RTTN: variants seen among roughly 807,000 people sequenced by gnomAD.
The protein encoded by RTTN is rotatin.
A neutral mutation model predicts 269.2 loss-of-function variants in RTTN; 182 were observed. The observed-to-expected ratio is 0.68, with a 90% confidence interval of 0.60 to 0.76. The LOEUF is 0.76. Among genes scored for constraint, RTTN ranks in the 30% least tolerant of loss-of-function variants. The pLI, the probability that RTTN is intolerant of heterozygous loss-of-function variation, is 0.00. For synonymous variants in RTTN, 1,006 were observed against 963.5 expected (o/e 1.04, Z -0.82); for missense variants, 2,545 against 2,608.6 (o/e 0.98, Z 0.53).
At chr18:70,039,877 T>C (rs928839691) in intron 40 of RTTN, among the ~76,000 whole-genome samples, 2 of 152,180 alleles carry the variant, frequency 1.3e-5, no homozygotes, top group Non-Finnish European at 2.9e-5. Context: ...TGCTTGTTCA[T>C]GCCATCAGTA....
At chr18:70,181,592 T>C (rs1486521988) in intron 10 of RTTN, among the ~76,000 whole-genome samples, 1 of 152,224 alleles carries the variant, frequency 6.6e-6, no homozygotes, top group Admixed American at 6.5e-5. Context: ...GTTACTGATA[T>C]TAGTACTGTG....
chr18:70,142,055 G>A (rs1443871983), intron 19 of RTTN, among the ~76,000 whole-genome samples: 1 of 152,174 alleles, frequency 6.6e-6, no homozygotes, highest in African/African-American at 2.4e-5. Flanking sequence ...TAGTAAGCAT[G>A]TTGTTAGGCT....
rs371980696 is a variant in RTTN, at chr18:70,205,289, G to C, written c.58C>G (p.Arg20Gly). ...LGHQLAEIRE[R>G]ALKSILCKIE... ...TTGCAGAGAATACTCTTGAGAGCGC[G>C]CTCCCTGATCTCGGCCAGCTGATGA... The change falls in exon 2 of 49, where the codon CGC becomes GGC. Residue 20 changes from arginine (R) to glycine (G), a missense_variant. Transcript: ENST00000640769. 31 of 1,614,078 alleles carry C rather than the reference G, an allele frequency of 1.9e-5. No individual in the cohort carries two copies. In the Admixed American group the frequency reaches 3.2e-4, roughly 16 times the overall value.
Position 70,030,921 on chromosome 18 carries a change from A to C in RTTN, c.5602T>G (p.Ser1868Ala), listed in dbSNP as rs369901501. ...LKRVAANALM[S>A]LLAVSRRAQK... is the part of the protein sequence containing the mutation. ...GCTCTTCTACTGACAGCCAGCAGTG[A>C]CATCAATGCATTTGCAGCTACTCTT... Residue 1868 changes from serine (S) to alanine (A), a missense_variant, in exon 41 of 49, where the codon TCA becomes GCA. Physicochemically the swap from Ser to Ala is moderately conservative, Grantham distance 99. Coordinates refer to ENST00000640769, the MANE Select transcript of RTTN (RefSeq NM_173630.4). 2.5e-6 allele frequency: 4 copies of C among 1,613,794 alleles called. No individual in the cohort carries two copies. The highest frequency in any genetic ancestry group is 3.4e-6 in the Non-Finnish European group (4 of 1,179,900).
At chr18:70,077,147 T>A (rs1339276739) in intron 32 of RTTN, among the ~76,000 whole-genome samples, 1 of 151,890 alleles carries the variant, frequency 6.6e-6, no homozygotes, top group African/African-American at 2.4e-5. Context: ...AAGTGATTAA[T>A]CAAAGTTGTA....
At chr18:70,083,137 A>C (rs1332917045) in intron 32 of RTTN, among the ~76,000 whole-genome samples, 1 of 152,156 alleles carries the variant, frequency 6.6e-6, no homozygotes, top group Non-Finnish European at 1.5e-5. Flanking sequence ...TCTCATATCC[A>C]GCAGGGGCCT....
At chr18:70,204,389 G>C in intron 2 of RTTN, 126 bp from the exon 3 acceptor site, 1 of 856,686 alleles carries the variant, frequency 1.2e-6, no homozygotes, top group African/African-American at 1.7e-5. Context: ...ATCCTTCATG[G>C]CTCTGCCCCG....
chr18:70,024,404 C>T (rs1173583566), intron 44 of RTTN, among the ~76,000 whole-genome samples: 1 of 152,174 alleles, frequency 6.6e-6, no homozygotes, highest in African/African-American at 2.4e-5. Context: ...CTAACCTTCA[C>T]GTGGCTTTTG....
rs774567582 is a variant in RTTN, at chr18:70,127,741, T to C, written c.3144A>G (p.Glu1048=). ...TAGATAACTTCAATGCATCTAAAAT[T>C]CTAGACAAAAAGAAAAAAAATGAAG... ...KQMNSETKTQ[E]ILDALKLSTE... is the part of the protein sequence containing the mutation. Residue 1048 remains glutamate, a splice_region_variant and synonymous_variant, in exon 25 of 49, where the codon GAA becomes GAG. Transcript: ENST00000640769. 3 of 1,604,908 alleles carry C rather than the reference T, an allele frequency of 1.9e-6. No homozygotes were observed. In the South Asian group the frequency reaches 3.3e-5, roughly 18 times the overall value.
intron 46 of RTTN, among the ~76,000 whole-genome samples, chr18:70,012,137 TAGAC>T (rs1197633237): frequency 1.3e-5 from 2 of 148,584 alleles, no homozygotes; most frequent in Non-Finnish European, 3.0e-5. Flanking sequence ...TCACTGGTGT[TAGAC>T]AGAGGGCAGC....
At chr18:70,037,760 T>A (rs146073633) in intron 40 of RTTN, among the ~76,000 whole-genome samples, 70 of 152,302 alleles carry the variant, frequency 4.6e-4, no homozygotes, top group African/African-American at 1.7e-3. Flanking sequence ...TTGTCTTGCA[T>A]CTTAGGTATC....
intron 33 of RTTN, among the ~76,000 whole-genome samples, 155 bp from the exon 34 acceptor site, chr18:70,074,149 A>G (rs559346791): frequency 6.6e-6 from 1 of 152,196 alleles, no homozygotes. Flanking sequence ...TTTAAAAAAA[A>G]AAAAATCTAA....
intron 32 of RTTN, 27 bp from the exon 33 acceptor site, chr18:70,075,568 G>GA (rs1214796778): frequency 6.7e-7 from 1 of 1,491,758 alleles, no homozygotes; most frequent in African/African-American, 1.5e-5. Context: ...AAAGAAGGAG[G>GA]AGACACTGAT....
chr18:70,178,185 C>T (rs2061346712), intron 10 of RTTN, among the ~76,000 whole-genome samples: 1 of 152,168 alleles, frequency 6.6e-6, no homozygotes, highest in Admixed American at 6.5e-5. Flanking sequence ...GCCAAGATCA[C>T]ACCACTGCTC....
In RTTN at chr18:70,142,370, C is replaced by T. The variant is rs761519328; in HGVS notation, c.2499G>A (p.Lys833=). 5.7e-6 allele frequency: 9 copies of T among 1,580,154 alleles called. No homozygotes were observed. The highest frequency in any genetic ancestry group is 7.8e-6 in the Non-Finnish European group (9 of 1,156,772). The change falls in exon 19 of 49, where the codon AAG becomes AAA. Residue 833 remains lysine (K), a synonymous_variant. Transcript: ENST00000640769. ...CATCTGAGGTGAAGATTTCATATAC[C>T]TTTTCAACAGTCTCCAACTACAAAC... ...ELVIKLETVE[K]VYEIFTSDDV...
chr18:70,020,971 G>T, intron 44 of RTTN, 154 bp from the exon 45 acceptor site: 1 of 608,534 alleles, frequency 1.6e-6, no homozygotes, highest in Non-Finnish European at 2.9e-6. Context: ...GGTGTCTACA[G>T]TCAACCTAAT....
At chr18:70,153,268 G>A (rs1599799387) in intron 14 of RTTN, among the ~76,000 whole-genome samples, 1 of 151,618 alleles carries the variant, frequency 6.6e-6, no homozygotes, top group African/African-American at 2.4e-5. Context: ...TATACATATA[G>A]TGTTATAAAG....
intron 10 of RTTN, 89 bp downstream of exon 10, chr18:70,188,019 A>T: frequency 1.4e-6 from 1 of 723,254 alleles, no homozygotes; most frequent in Middle Eastern, 3.9e-4. Flanking sequence ...AAGATTTTGA[A>T]CACGAATGAG....
rs10711584 is a variant in RTTN, at chr18:70,174,147, TAA to T, written c.1476+2526_1476+2527del. On this transcript the variant is annotated intron_variant, in intron 11 of 48. Transcript: ENST00000640769. ...ACTTTTCTGAATGTATATGAAAGTTTAAAAAAAAAAAAAAAAGCCTTTACAGA... is the reference window on the plus strand; with the variant it reads ...ACTTTTCTGAATGTATATGAAAGTTTAAAAAAAAAAAAAAGCCTTTACAGA... Among the ~76,000 whole-genome samples, 923 of 142,196 alleles carry T rather than the reference TAA, an allele frequency of 6.5e-3. 1 individual carries two copies. The highest frequency in any genetic ancestry group is 0.018 in the South Asian group (82 of 4,482). The allele number at this position is 142,196 out of a possible 152,430, so 93.3% of individuals were successfully genotyped here.
Sources: gnomAD v4.1 joint callset for allele counts (sites outside exome capture counted in the v4.1 genomes callset) on GRCh38, gnomAD v4.1.1 for gene constraint, MANE v1.5 for transcripts, NCBI Gene and HGNC (gene_info 2026-07-23, HGNC 2026-07-21) for gene names.